The following DNAH5 variants were observed in gnomAD, a reference collection of about 807,000 sequenced individuals.
DNAH5 encodes dynein axonemal heavy chain 5, also known as axonemal beta dynein heavy chain 5.
In DNAH5, 372 loss-of-function variants were observed where a neutral mutation model predicts 518.2. That is an observed-to-expected ratio of 0.72 (90% confidence interval 0.66 to 0.78). The LOEUF is 0.78. Among genes scored for constraint, DNAH5 ranks in the 30% least tolerant of loss-of-function variants. The pLI, the probability that DNAH5 is intolerant of heterozygous loss-of-function variation, is 0.00. For synonymous variants in DNAH5, 2,039 were observed against 2,025.9 expected (o/e 1.01, Z -0.17); for missense variants, 5,523 against 5,687.0 (o/e 0.97, Z 0.93).
chr5:13,701,001 G>C (rs999582130), intron 77 of DNAH5, 130 bp from the exon 78 acceptor site: 13 of 1,040,630 alleles, frequency 1.2e-5, no homozygotes, highest in Admixed American at 2.0e-5. Flanking sequence ...TAAAGAATTA[G>C]CAAGATTCCC....
At chr5:13,807,869 G>A in intron 46 of DNAH5, 144 bp from the exon 47 acceptor site, 2 of 722,136 alleles carry the variant, frequency 2.8e-6, no homozygotes, top group Non-Finnish European at 4.6e-6. Context: ...TCTTTAAAGA[G>A]GTGACTAAGG....
intron 78 of DNAH5, among the ~76,000 whole-genome samples, chr5:13,699,596 C>T (rs1467647803): frequency 6.6e-6 from 1 of 152,148 alleles, no homozygotes; most frequent in Non-Finnish European, 1.5e-5. Context: ...CGCCTGTAAT[C>T]CCAGCTACTC....
In DNAH5 at chr5:13,707,156, C is replaced by T. The variant is rs369357050; in HGVS notation, c.13338+967G>A. Among the ~76,000 whole-genome samples the T allele has an allele frequency of 1.3e-3, 194 of 152,248 alleles. No homozygotes were observed. The highest frequency in any genetic ancestry group is 2.2e-3 in the Non-Finnish European group (150 of 68,006). On this transcript the variant is annotated intron_variant, in intron 76 of 78. Transcript: ENST00000265104. This position sits in a 1 kb window ranked among gnomAD's most constrained non-coding sequence, Gnocchi z 4.0. ...ATATACTGGCAGGACCAACAGACACCGCTGACAGCGGGACGACGTGGAATT... is the reference window on the plus strand; with the variant it reads ...ATATACTGGCAGGACCAACAGACACTGCTGACAGCGGGACGACGTGGAATT...
At chr5:13,959,378 T>C (rs1780995532) in intron 1 of DNAH5, among the ~76,000 whole-genome samples, 1 of 152,220 alleles carries the variant, frequency 6.6e-6, no homozygotes, top group Non-Finnish European at 1.5e-5. Flanking sequence ...GGCAGACAAG[T>C]GTGGATTCTC....
At chr5:13,779,426 T>C (rs1424349060) in intron 53 of DNAH5, among the ~76,000 whole-genome samples, 1 of 152,216 alleles carries the variant, frequency 6.6e-6, no homozygotes, top group African/African-American at 2.4e-5. Context: ...TCAGCCTTCA[T>C]CCTAGCAGGT....
rs78969114 is a variant in DNAH5 at position 13,715,192 on chromosome 5, G to T, written c.12910-572C>A. On this transcript the variant is annotated intron_variant, in intron 74 of 78. Coordinates refer to ENST00000265104, the MANE Select transcript of DNAH5 (RefSeq NM_001369.3). ...CAGAAGCAGGAGAAGCAGGCAAAAA[G>T]ATCCCCCAACGGTTTGAAAAAAAAG... Among the ~76,000 whole-genome samples the T allele has an allele frequency of 6.4e-3, 979 of 152,130 alleles. 14 individuals are homozygous for T. Among genetic ancestry groups the T allele is most frequent in the African/African-American group, 0.022 (911 of 41,478 alleles).
At chr5:13,930,968 G>C (rs1778355815) in intron 2 of DNAH5, 142 bp downstream of exon 2, 6 of 1,234,890 alleles carry the variant, frequency 4.9e-6, no homozygotes, top group Middle Eastern at 2.0e-4. Flanking sequence ...GCAAGCACCA[G>C]TACAGAGTCA....
intron 32 of DNAH5, 33 bp from the exon 33 acceptor site, chr5:13,841,937 A>G (rs1765235982): frequency 9.6e-7 from 1 of 1,044,778 alleles, no homozygotes. Flanking sequence ...AAAAAAAAAA[A>G]GCTATAGTCA....
At chr5:13,819,152 G>A (rs1389806150) in intron 41 of DNAH5, among the ~76,000 whole-genome samples, 4 of 152,124 alleles carry the variant, frequency 2.6e-5, no homozygotes, top group African/African-American at 4.8e-5. Flanking sequence ...AGGCAGCTTC[G>A]TCACTGCAAC....
At chr5:13,799,991 G>A (rs942103433) in intron 47 of DNAH5, among the ~76,000 whole-genome samples, 5 of 151,956 alleles carry the variant, frequency 3.3e-5, no homozygotes, top group Admixed American at 6.6e-5. Flanking sequence ...AACAACATTC[G>A]TGTATATTGA....
At chr5:13,972,171 G>A (rs1223265881) in intron 1 of DNAH5, among the ~76,000 whole-genome samples, 1 of 152,144 alleles carries the variant, frequency 6.6e-6, no homozygotes, top group Non-Finnish European at 1.5e-5. Flanking sequence ...TCCTACCGTG[G>A]GCCCCCAACA....
chr5:14,006,573 G>T (rs1305122196), intron 1 of DNAH5, among the ~76,000 whole-genome samples: 1 of 152,122 alleles, frequency 6.6e-6, no homozygotes, highest in East Asian at 1.9e-4. Flanking sequence ...TATCGGATTG[G>T]AGCCCACACA....
In DNAH5 at chr5:13,859,527, C is replaced by A; in HGVS notation, c.4875G>T (p.Trp1625Cys). 6.2e-7 allele frequency: 1 copy of A among 1,614,118 alleles called. No homozygotes were observed. The highest frequency in any genetic ancestry group is 8.5e-7 in the Non-Finnish European group (1 of 1,179,982). Residue 1625 changes from tryptophan to cysteine, a missense_variant, in exon 30 of 79, where the codon TGG (tryptophan) becomes TGT (cysteine). Physicochemically the swap from Trp to Cys is radical, Grantham distance 215. Around this residue, in one of 3 missense-constraint regions of DNAH5, gnomAD observed 5,121 missense variants for 5,223.3 expected, o/e 0.98. Coordinates refer to ENST00000265104, the MANE Select transcript of DNAH5 (RefSeq NM_001369.3). ...AAATCCACAGGTTTTGCACCGTCAT[C>A]CAGCTCTCGATGATGTCTGTTGAGT... ...LSNSTDIIES[W>C]MTVQNLWIYL...
At chr5:13,984,740 G>C (rs572654704) in intron 1 of DNAH5, among the ~76,000 whole-genome samples, 1 of 152,284 alleles carries the variant, frequency 6.6e-6, no homozygotes, top group Admixed American at 6.5e-5. Context: ...TAGCATGAAT[G>C]GCTGTTGAAT....
intron 58 of DNAH5, among the ~76,000 whole-genome samples, chr5:13,767,337 C>T (rs568995787): frequency 6.6e-6 from 1 of 152,274 alleles, no homozygotes; most frequent in African/African-American, 2.4e-5. Context: ...GTTGGCCAGG[C>T]TGGTCTCAAA....
At chr5:13,901,819 A>C (rs1483571362) in intron 13 of DNAH5, among the ~76,000 whole-genome samples, 1 of 152,174 alleles carries the variant, frequency 6.6e-6, no homozygotes, top group Non-Finnish European at 1.5e-5. Flanking sequence ...TATTATAGGC[A>C]GTCACAAGGT....
chr5:13,860,988 C>T (rs1278288723), intron 29 of DNAH5, among the ~76,000 whole-genome samples: 2 of 152,150 alleles, frequency 1.3e-5, no homozygotes, highest in Non-Finnish European at 2.9e-5. Context: ...AAATATAGGT[C>T]CATAGAAACA....
chr5:13,728,623 A>C (rs1431817006), intron 69 of DNAH5, among the ~76,000 whole-genome samples: 1 of 152,216 alleles, frequency 6.6e-6, no homozygotes, highest in Non-Finnish European at 1.5e-5. Context: ...AGTACATGGT[A>C]GTAATAATAA....
intron 38 of DNAH5, among the ~76,000 whole-genome samples, chr5:13,824,669 C>T (rs1762665143): frequency 1.3e-5 from 2 of 152,174 alleles, no homozygotes; most frequent in Admixed American, 6.5e-5. Context: ...AGGAAATTTG[C>T]TCATATCTCT....
Sources: gnomAD v4.1 joint callset for allele counts (sites outside exome capture counted in the v4.1 genomes callset) on GRCh38, gnomAD v4.1.1 for gene constraint, gnomAD v4.1.1 regional missense constraint, Gnocchi (gnomAD v3.1) non-coding constraint, MANE v1.5 for transcripts, NCBI Gene and HGNC (gene_info 2026-07-23, HGNC 2026-07-21) for gene names.